The following ZMYM6 variants were observed in gnomAD, a reference collection of about 807,000 sequenced individuals.
The protein encoded by ZMYM6 is zinc finger MYM-type protein 6.
ZMYM6 carries 90 observed loss-of-function variants against 134.0 expected under a neutral mutation model. The ratio of observed to expected loss-of-function variants is 0.67; its 90% CI spans 0.57 to 0.80. The LOEUF (loss-of-function observed/expected upper bound fraction) is 0.80. ZMYM6 is among the 30% of genes least tolerant of loss of function. The probability of loss-of-function intolerance (pLI) is 0.00; values close to 1 mark genes in which losing one functional copy is unlikely to be tolerated. For missense variants in ZMYM6, 1,362 were observed against 1,533.9 expected, an observed-to-expected ratio of 0.89 and a Z score of 1.87; for synonymous variants, 481 against 524.1, an observed-to-expected ratio of 0.92 and a Z score of 1.12.
chr1:34,989,189 C>G, intron 15 of ZMYM6: 1 of 1,229,194 alleles, frequency 8.1e-7, no homozygotes, highest in Non-Finnish European at 1.0e-6. Flanking sequence ...TAATCCCAAG[C>G]ACCCAATAGG....
intron 4 of ZMYM6, 130 bp from the exon 5 acceptor site, chr1:35,015,292 A>C (rs767709754): frequency 1.1e-6 from 1 of 879,846 alleles, no homozygotes; most frequent in East Asian, 2.7e-5. Context: ...GGAATCTGCA[A>C]ACCTGGGTTT....
intron 6 of ZMYM6, among the ~76,000 whole-genome samples, chr1:35,014,041 T>C (rs1433950021): frequency 6.6e-6 from 1 of 152,224 alleles, no homozygotes; most frequent in Non-Finnish European, 1.5e-5. Context: ...TTAGTAATAA[T>C]TAAATTGACA....
In ZMYM6 at chr1:35,019,575, A is replaced by G; in HGVS notation, c.206T>C (p.Leu69Pro). 1 of 1,601,770 alleles carries G rather than the reference A, an allele frequency of 6.2e-7. No homozygotes were observed. Among genetic ancestry groups the G allele is most frequent in the Non-Finnish European group, 8.5e-7 (1 of 1,176,996 alleles). Residue 69 changes from leucine to proline, a missense_variant, in exon 4 of 16, where the codon CTT becomes CCT. Leu to Pro is a moderately conservative substitution (Grantham distance 98). Transcript: ENST00000357182. ...ACTTGGGCCAGATGATGCAAAAGAA[A>G]GCTGAAAGCCTGGGTTCAACTGCTG... ...IAQQLNPGFQ[L>P]SFASSGPSVL...
At chr1:35,006,048 C>T (rs879341877) in intron 12 of ZMYM6, among the ~76,000 whole-genome samples, 19 of 152,174 alleles carry the variant, frequency 1.2e-4, no homozygotes, top group African/African-American at 4.1e-4. Flanking sequence ...CGTTCTGTAG[C>T]CCAGGCTGGA....
Position 34,992,227 on chromosome 1 carries a change from T to C in ZMYM6, c.2146+7A>G. On this transcript the variant is annotated splice_region_variant and intron_variant, in intron 15 of 15. Coordinates refer to ENST00000357182, the MANE Select transcript of ZMYM6 (RefSeq NM_007167.4). Reference sequence around the variant, plus strand: ...CTTTGTACATGGGAACGCACAAGGATACATACCTGTCTGACATTCTTTGTG... The same window carrying C: ...CTTTGTACATGGGAACGCACAAGGACACATACCTGTCTGACATTCTTTGTG... 2 of 1,613,946 alleles carry C rather than the reference T, an allele frequency of 1.2e-6. No homozygotes were observed. The highest frequency in any genetic ancestry group is 1.7e-6 in the Non-Finnish European group (2 of 1,179,870).
intron 2 of ZMYM6, among the ~76,000 whole-genome samples, chr1:35,022,066 G>A (rs1396460204): frequency 1.3e-5 from 2 of 152,092 alleles, no homozygotes; most frequent in African/African-American, 4.8e-5. Flanking sequence ...AATTTCTTTA[G>A]ACTATTAAAT....
In ZMYM6 at chr1:34,988,433, A is replaced by G; in HGVS notation, c.2649T>C (p.Ile883=). 6.4e-7 allele frequency: 1 copy of G among 1,551,554 alleles called. No individual in the cohort carries two copies. The stretch of plus-strand genomic sequence containing the variant: ...CAGATAGTTCATCAATCCTGTGTTG[A>G]ATTGTAACATTAGAAAGTGGAATAG... The part of the protein sequence containing the change: ...MKTIPLSNVT[I]QHRIDELSAD... The change falls in exon 16 of 16, where the codon ATT becomes ATC. Residue 883 remains isoleucine (I), a synonymous_variant. Transcript: ENST00000357182.
intron 14 of ZMYM6, among the ~76,000 whole-genome samples, chr1:35,000,872 A>C (rs750310211): frequency 8.5e-5 from 13 of 152,132 alleles, no homozygotes; most frequent in Non-Finnish European, 1.5e-4. Context: ...AAATAAACCA[A>C]ATCTAACAAT....
intron 2 of ZMYM6, among the ~76,000 whole-genome samples, chr1:35,026,707 C>A (rs1641420940): frequency 6.6e-6 from 1 of 152,176 alleles, no homozygotes; most frequent in Non-Finnish European, 1.5e-5. Flanking sequence ...GGAGTAACAA[C>A]AAACTGTTGT....
intron 2 of ZMYM6, among the ~76,000 whole-genome samples, chr1:35,029,742 C>T (rs2148464397): frequency 6.6e-6 from 1 of 152,268 alleles, no homozygotes; most frequent in South Asian, 2.1e-4. Flanking sequence ...TCAATTCATT[C>T]TTCATAATTC....
chr1:34,991,636 G>A (rs1250713176), intron 15 of ZMYM6, among the ~76,000 whole-genome samples: 2 of 152,080 alleles, frequency 1.3e-5, no homozygotes, highest in South Asian at 2.1e-4. Context: ...CGGGCATGGT[G>A]GCAGGCACCT....
chr1:35,026,353 C>T (rs1399676512), intron 2 of ZMYM6, among the ~76,000 whole-genome samples: 1 of 152,150 alleles, frequency 6.6e-6, no homozygotes, highest in African/African-American at 2.4e-5. Context: ...AGAACAAACT[C>T]TTAGAAAATC....
At chr1:35,017,889 A>C (rs1641233689) in intron 4 of ZMYM6, 1 of 152,208 alleles carries the variant, frequency 6.6e-6, no homozygotes, top group Non-Finnish European at 1.5e-5. Flanking sequence ...ATGTTCTTTA[A>C]AATTATTTAA....
At chr1:35,019,730 T>C (rs1417308567) in intron 3 of ZMYM6, 128 bp from the exon 4 acceptor site, 24 of 1,162,526 alleles carry the variant, frequency 2.1e-5, no homozygotes, top group Middle Eastern at 2.7e-4. Flanking sequence ...TGGAGTGCAG[T>C]GGTGCAATCA....
chr1:35,022,931 C>A (rs1356202520), intron 2 of ZMYM6, among the ~76,000 whole-genome samples: 2 of 151,966 alleles, frequency 1.3e-5, no homozygotes, highest in Non-Finnish European at 2.9e-5. Flanking sequence ...GACTCCTAAA[C>A]AAGCTATTTA....
intron 14 of ZMYM6, among the ~76,000 whole-genome samples, chr1:35,002,102 C>G (rs145335368): frequency 6.6e-6 from 1 of 152,138 alleles, no homozygotes; most frequent in African/African-American, 2.4e-5. Flanking sequence ...GCCCAAGGCC[C>G]GGATTGACTG....
chr1:34,994,178 G>A (rs1360559957), intron 14 of ZMYM6, among the ~76,000 whole-genome samples: 1 of 152,104 alleles, frequency 6.6e-6, no homozygotes, highest in Non-Finnish European at 1.5e-5. Context: ...CAGAAAACAA[G>A]ACAAAGTTCT....
rs371618998 is a variant in ZMYM6, at chr1:34,987,294, C to T, written c.3788G>A (p.Ser1263Asn). Residue 1263 changes from serine to asparagine, a missense_variant, in exon 16 of 16, where the codon AGT (serine) becomes AAT (asparagine). Ser to Asn is a conservative substitution (Grantham distance 46). This residue lies in a region of ZMYM6 where 824 missense variants were observed against 940.9 expected (regional missense o/e 0.88). Coordinates refer to ENST00000357182, the MANE Select transcript of ZMYM6 (RefSeq NM_007167.4). ...TGCCCTTTCATGGAGTTCTGGGTAACTTGTCTTTGCATTTATCCAAAACTG... is the reference window on the plus strand; with the variant it reads ...TGCCCTTTCATGGAGTTCTGGGTAATTTGTCTTTGCATTTATCCAAAACTG... ...VTQFWINAKT[S>N]YPELHERAMK... 3 of 1,612,214 alleles carry T rather than the reference C, an allele frequency of 1.9e-6. No homozygotes were observed. Among genetic ancestry groups the T allele is most frequent in the Middle Eastern group, 1.7e-4 (1 of 6,056 alleles).
At chr1:34,995,981 G>A (rs762107569) in intron 14 of ZMYM6, among the ~76,000 whole-genome samples, 108 of 152,168 alleles carry the variant, frequency 7.1e-4, no homozygotes, top group Non-Finnish European at 1.2e-3. Context: ...TGTACCATAA[G>A]TAATCTGAAG....
Sources: gnomAD v4.1 joint callset for allele counts (sites outside exome capture counted in the v4.1 genomes callset) on GRCh38, gnomAD v4.1.1 for gene constraint, gnomAD v4.1.1 regional missense constraint, MANE v1.5 for transcripts, NCBI Gene and HGNC (gene_info 2026-07-23, HGNC 2026-07-21) for gene names.